The following NDUFA9 variants were observed in gnomAD, a reference collection of about 807,000 sequenced individuals.
NDUFA9 encodes NADH:ubiquinone oxidoreductase subunit A9.
Under a neutral mutation model 45.9 loss-of-function variants are expected in NDUFA9, and 23 were observed. The ratio of observed to expected loss-of-function variants is 0.50; its 90% confidence interval spans 0.36 to 0.71. The LOEUF is 0.71. Ranked by LOEUF, NDUFA9 falls within the 30% of genes least tolerant of loss-of-function variation. NDUFA9 has a pLI of 0.00. For synonymous variants in NDUFA9, 176 were observed against 170.5 expected (o/e 1.03, Z -0.25); for missense variants, 466 against 488.2 (o/e 0.95, Z 0.43).
chr12:4,652,520 T>C (rs1407982419), intron 1 of NDUFA9, among the ~76,000 whole-genome samples: 2 of 152,204 alleles, frequency 1.3e-5, no homozygotes, highest in Non-Finnish European at 2.9e-5. Flanking sequence ...CCAGCTTCTG[T>C]GGTCCTCTGT....
chr12:4,682,275 T>C lies in NDUFA9; in HGVS notation c.871T>C (p.Phe291Leu). The C allele has an allele frequency of 6.2e-7, 1 of 1,613,230 alleles. No homozygotes were observed. Among genetic ancestry groups the C allele is most frequent in the Non-Finnish European group, 8.5e-7 (1 of 1,179,412 alleles). ...FAVAHRLFLP[F>L]PLPLFAYRWV... ...TGTGGCTCACAGATTGTTCCTCCCA[T>C]TCCCCTTGCCGCTTTTTGCCTATCG... The change falls in exon 9 of 11, where the codon TTC becomes CTC. Residue 291 changes from phenylalanine (F) to leucine (L), a missense_variant. Transcript: ENST00000266544.
chr12:4,680,942 C>T (rs371807212), intron 8 of NDUFA9, among the ~76,000 whole-genome samples: 1 of 152,044 alleles, frequency 6.6e-6, no homozygotes, highest in African/African-American at 2.4e-5. Context: ...TGGAATAGAG[C>T]GGAACGTTCA....
chr12:4,667,923 G>T (rs1374710089), intron 6 of NDUFA9, among the ~76,000 whole-genome samples: 1 of 152,088 alleles, frequency 6.6e-6, no homozygotes, highest in Non-Finnish European at 1.5e-5. Context: ...TTTATGGTGA[G>T]AACTAAGACA....
Position 4,692,307 on chromosome 12 carries a change from C to T in NDUFA9, c.*5199C>T, listed in dbSNP as rs901759758. On this transcript the variant is annotated 3_prime_UTR_variant, in exon 11 of 11. Transcript: ENST00000266544. ...CAATCCTCAAGATAGTGAGTTCTTA[C>T]AAGATCTGGTCATTTAAAAGTGTGA... 2 of 152,104 alleles carry T rather than the reference C, an allele frequency of 1.3e-5. No individual in the cohort carries two copies. The highest frequency in any genetic ancestry group is 4.8e-5 in the African/African-American group (2 of 41,414). 9.4% of individuals were successfully genotyped at this position (152,104 alleles called of 1,614,324 possible).
At chr12:4,683,479 A>G (rs1945966242) in intron 9 of NDUFA9, among the ~76,000 whole-genome samples, 1 of 152,212 alleles carries the variant, frequency 6.6e-6, no homozygotes, top group Non-Finnish European at 1.5e-5. Flanking sequence ...CAAAAATCTT[A>G]TGGTCAGAAT....
At chr12:4,653,523 G>C (rs1450700107) in intron 1 of NDUFA9, 1 of 401,072 alleles carries the variant, frequency 2.5e-6, no homozygotes, top group Admixed American at 3.4e-5. Context: ...GAACTTTGAG[G>C]GTTCATTCTA....
At chr12:4,666,175 T>C (rs1377933740) in intron 6 of NDUFA9, among the ~76,000 whole-genome samples, 2 of 152,216 alleles carry the variant, frequency 1.3e-5, no homozygotes, top group African/African-American at 4.8e-5. Context: ...GCTTTTTGGC[T>C]ACTTTATTAT....
intron 9 of NDUFA9, 199 bp from the exon 10 acceptor site, chr12:4,685,060 A>G (rs147673406): frequency 1.2e-4 from 81 of 692,308 alleles, no homozygotes; most frequent in African/African-American, 1.1e-3. Flanking sequence ...CAGTTACAGC[A>G]GCCGACTGGG....
Position 4,668,536 on chromosome 12 carries a change from G to A in NDUFA9, c.723+12G>A. ...AACAACCAGTATATGTAAGTACTTG[G>A]ATGAAGGGGGTCAGAAAGGGATTTT... On this transcript the variant is annotated intron_variant, in intron 7 of 10. Coordinates refer to ENST00000266544, the MANE Select transcript of NDUFA9 (RefSeq NM_005002.5). The A allele has an allele frequency of 6.2e-7, 1 of 1,601,814 alleles. No homozygotes were observed. The highest frequency in any genetic ancestry group is 8.6e-7 in the Non-Finnish European group (1 of 1,168,904).
intron 10 of NDUFA9, among the ~76,000 whole-genome samples, chr12:4,685,689 TGTTGACAGTTTCTTCCTTC>T (rs1205698917): frequency 2.3e-4 from 7 of 30,002 alleles, no homozygotes; most frequent in Non-Finnish European, 7.9e-4. Context: ...CTGAAGAAAC[TGTTGACAGTTTCTTCCTTC>T]TTTCTTTAAC....
In NDUFA9 at chr12:4,693,656, G is replaced by C. The variant is rs1351875844; in HGVS notation, c.*6548G>C. 2 of 152,208 alleles carry C rather than the reference G, an allele frequency of 1.3e-5. No individual in the cohort carries two copies. The highest frequency in any genetic ancestry group is 2.9e-5 in the Non-Finnish European group (2 of 68,040). 9.4% of individuals were successfully genotyped at this position (152,208 alleles called of 1,614,324 possible). A position where few individuals can be genotyped will look rare whatever the true frequency, so the allele number is the denominator to read the frequency against. On this transcript the variant is annotated 3_prime_UTR_variant, in exon 11 of 11. Transcript: ENST00000266544. ...GATGGTAACTGAAGTTGTAGAAGTA[G>C]ATGTTGAGGATGAAGTATCATATTA...
At chr12:4,662,471 A>G (rs1257939982) in intron 5 of NDUFA9, 62 bp from the exon 6 acceptor site, 8 of 1,253,204 alleles carry the variant, frequency 6.4e-6, no homozygotes, top group Admixed American at 5.1e-5. Flanking sequence ...AATAGTGGAA[A>G]GAATGGATGC....
chr12:4,686,853 G>T, intron 10 of NDUFA9, 85 bp from the exon 11 acceptor site: 1 of 1,321,978 alleles, frequency 7.6e-7, no homozygotes, highest in Non-Finnish European at 1.0e-6. Flanking sequence ...ACTCATGCCA[G>T]CTTGAATGTT....
chr12:4,658,949 A>T, intron 4 of NDUFA9, 87 bp from the exon 5 acceptor site: 1 of 1,319,690 alleles, frequency 7.6e-7, no homozygotes, highest in Non-Finnish European at 1.1e-6. Flanking sequence ...GAATTTCAGT[A>T]CTGTTATGAA....
At chr12:4,686,424 G>GT (rs111320780) in intron 10 of NDUFA9, among the ~76,000 whole-genome samples, 29,123 of 135,344 alleles carry the variant, frequency 0.22, 3,158 homozygotes, top group South Asian at 0.47. Context: ...AAAGTTACTT[G>GT]TTTTTTTTTT....
chr12:4,663,796 G>A (rs955466495), intron 6 of NDUFA9, among the ~76,000 whole-genome samples: 6 of 152,294 alleles, frequency 3.9e-5, no homozygotes, highest in Non-Finnish European at 8.8e-5. Context: ...AAATGTGAAC[G>A]TGCCTTTGGA....
chr12:4,665,730 A>G (rs930803059), intron 6 of NDUFA9, among the ~76,000 whole-genome samples: 5 of 143,778 alleles, frequency 3.5e-5, no homozygotes, highest in African/African-American at 5.1e-5. Context: ...ATCTTTGTCA[A>G]TATTTGTTAT....
At position 4,686,929 on chromosome 12, in the gene NDUFA9, T is replaced by G. The variant is rs1375757365; in HGVS notation, c.964-9T>G. ...TCAGCATTGTCTGTGGTCCTTTGTT[T>G]ATCCAAAGATGCACATCACAGACAT... On this transcript the variant is annotated splice_polypyrimidine_tract_variant and intron_variant, in intron 10 of 10. Transcript: ENST00000266544. 1 of 1,612,982 alleles carries G rather than the reference T, an allele frequency of 6.2e-7. No homozygotes were observed. Among genetic ancestry groups the G allele is most frequent in the Admixed American group, 1.7e-5 (1 of 59,964 alleles).
intron 6 of NDUFA9, among the ~76,000 whole-genome samples, chr12:4,664,701 A>G (rs1591545304): frequency 6.6e-6 from 1 of 152,276 alleles, no homozygotes; most frequent in Admixed American, 6.5e-5. Flanking sequence ...TAGAAGTTAG[A>G]ACTACCGCTT....
Sources: gnomAD v4.1 joint callset for allele counts (sites outside exome capture counted in the v4.1 genomes callset) on GRCh38, gnomAD v4.1.1 for gene constraint, MANE v1.5 for transcripts, NCBI Gene and HGNC (gene_info 2026-07-23, HGNC 2026-07-21) for gene names.